DKK3: variants seen among roughly 807,000 people sequenced by gnomAD.
DKK3 encodes dickkopf-related protein 3.
In DKK3, 22 loss-of-function variants were observed where a neutral mutation model predicts 33.2. The observed-to-expected ratio is 0.66, with a 90% CI of 0.47 to 0.95. DKK3 has a LOEUF of 0.95. Among genes scored for constraint, DKK3 ranks in the 40% least tolerant of loss-of-function variants. DKK3 has a pLI of 0.00. For missense variants in DKK3, 398 were observed against 458.4 expected (o/e 0.87, Z 1.20); for synonymous variants, 194 against 188.8 (o/e 1.03, Z -0.23).
intron 3 of DKK3, among the ~76,000 whole-genome samples, chr11:11,973,118 C>T (rs1383431537): frequency 6.6e-6 from 1 of 152,248 alleles, no homozygotes; most frequent in African/African-American, 2.4e-5. Flanking sequence ...CAATCCATCA[C>T]ATGCAGGCAC....
intron 3 of DKK3, among the ~76,000 whole-genome samples, chr11:11,973,129 A>G (rs896650665): frequency 6.6e-6 from 1 of 152,240 alleles, no homozygotes. Context: ...ATGCAGGCAC[A>G]GAGCCCTGGC....
intron 3 of DKK3, among the ~76,000 whole-genome samples, chr11:11,995,005 G>T (rs1848261596): frequency 6.6e-6 from 1 of 152,210 alleles, no homozygotes; most frequent in African/African-American, 2.4e-5. Context: ...GAACAAGGAA[G>T]TCACTGGGTC....
At chr11:11,982,084 G>A (rs939656177) in intron 3 of DKK3, among the ~76,000 whole-genome samples, 2 of 152,066 alleles carry the variant, frequency 1.3e-5, no homozygotes, top group African/African-American at 4.8e-5. Context: ...CCATGGTGAG[G>A]GCCTCTTTTA....
intron 3 of DKK3, among the ~76,000 whole-genome samples, chr11:11,981,638 C>T (rs1369390304): frequency 1.3e-5 from 2 of 152,124 alleles, no homozygotes; most frequent in Non-Finnish European, 2.9e-5. Context: ...TCCCCTGCAG[C>T]AAGGCTAACC....
chr11:11,998,621 A>G, intron 3 of DKK3, 75 bp downstream of exon 3: 1 of 1,324,748 alleles, frequency 7.5e-7, no homozygotes, highest in South Asian at 1.2e-5. Context: ...TCTGCATCTG[A>G]GTCACCGTTG....
chr11:12,003,045 G>T (rs1024915731), intron 1 of DKK3, among the ~76,000 whole-genome samples: 1 of 152,176 alleles, frequency 6.6e-6, no homozygotes, highest in African/African-American at 2.4e-5. Flanking sequence ...TCCCTCTAAG[G>T]CCTCCAGTGG....
chr11:11,984,811 T>G (rs918916787), intron 3 of DKK3, among the ~76,000 whole-genome samples: 1 of 152,180 alleles, frequency 6.6e-6, no homozygotes, highest in Non-Finnish European at 1.5e-5. Context: ...GCTGAGCCTC[T>G]AAGGAGCGTC....
At chr11:11,982,812 AGGCC>A in intron 3 of DKK3, among the ~76,000 whole-genome samples, 1 of 152,324 alleles carries the variant, frequency 6.6e-6, no homozygotes, top group South Asian at 2.1e-4. Flanking sequence ...ACTCCTCTGG[AGGCC>A]CTAATGAAAT....
chr11:11,984,059 A>G (rs757577197), intron 3 of DKK3, among the ~76,000 whole-genome samples: 2 of 152,212 alleles, frequency 1.3e-5, no homozygotes, highest in Non-Finnish European at 2.9e-5. Context: ...TGTCTCTGTG[A>G]CGAGGAGTGA....
At chr11:11,999,160 T>A (rs1355432026) in intron 2 of DKK3, among the ~76,000 whole-genome samples, 2 of 152,160 alleles carry the variant, frequency 1.3e-5, no homozygotes, top group African/African-American at 4.8e-5. Flanking sequence ...CAAGTCCGGG[T>A]GTCTAGTTGA....
At chr11:11,971,907 G>A (rs1471212821) in intron 3 of DKK3, among the ~76,000 whole-genome samples, 1 of 152,126 alleles carries the variant, frequency 6.6e-6, no homozygotes, top group East Asian at 1.9e-4. Context: ...GGTTTCCTTT[G>A]GGGTATCAGC....
intron 3 of DKK3, among the ~76,000 whole-genome samples, chr11:11,979,319 G>A (rs1271788526): frequency 1.3e-5 from 2 of 152,230 alleles, no homozygotes; most frequent in Non-Finnish European, 2.9e-5. Context: ...CAAACTCCAG[G>A]CTGCAAACCC....
intron 3 of DKK3, among the ~76,000 whole-genome samples, chr11:11,972,518 C>T (rs986107877): frequency 6.6e-6 from 1 of 152,194 alleles, no homozygotes; most frequent in Non-Finnish European, 1.5e-5. Flanking sequence ...AGGCCAGGCT[C>T]TCCATCCAGT....
chr11:11,997,858 CA>C (rs2135096100), intron 3 of DKK3, among the ~76,000 whole-genome samples: 1 of 152,336 alleles, frequency 6.6e-6, no homozygotes, highest in African/African-American at 2.4e-5. Flanking sequence ...TTCCAGCCAT[CA>C]GACCAAAAGA....
rs1848593350 is a variant in DKK3, at chr11:12,008,608, C to G, written c.-26G>C. On this transcript the variant is annotated 5_prime_UTR_variant, in exon 1 of 7. Coordinates refer to ENST00000683431, the MANE Select transcript of DKK3 (RefSeq NM_001018057.2). This position sits in a 1 kb window ranked among gnomAD's most constrained non-coding sequence, Gnocchi z 4.6. ...CTCCGCTCTGCGCCCGCAGCCGCCG[C>G]CTGTGTGTCCCGGAACGCGATCAGA... 1 of 1,372,814 alleles carries G rather than the reference C, an allele frequency of 7.3e-7. No individual in the cohort carries two copies. The highest frequency in any genetic ancestry group is 9.3e-7 in the Non-Finnish European group (1 of 1,073,126). The allele number at this position is 1,372,814 out of a possible 1,614,324, so 85.0% of individuals were successfully genotyped here. A position where few individuals can be genotyped will look rare whatever the true frequency, so the allele number is the denominator to read the frequency against.
chr11:11,992,511 C>T (rs562782039), intron 3 of DKK3, among the ~76,000 whole-genome samples: 2 of 152,310 alleles, frequency 1.3e-5, no homozygotes, highest in South Asian at 2.1e-4. Context: ...GCCCATCAGC[C>T]GCCTCACATA....
chr11:11,964,545 C>G lies in DKK3; in HGVS notation c.972G>C (p.Leu324=), dbSNP rs1847535421. 9.9e-6 allele frequency: 16 copies of G among 1,614,162 alleles called. No homozygotes were observed. Among genetic ancestry groups the G allele is most frequent in the Non-Finnish European group, 1.0e-5 (12 of 1,180,008 alleles). The change falls in exon 7 of 7, where the codon CTG becomes CTC. Residue 324 remains leucine, a synonymous_variant. Transcript: ENST00000683431. ...CCATCTCTTCAGTCAGGCTCCTCTCCAGGTCCTCCAGCTCCTGGCGCACCT... is the reference window on the plus strand; with the variant it reads ...CCATCTCTTCAGTCAGGCTCCTCTCGAGGTCCTCCAGCTCCTGGCGCACCT... The part of the protein sequence containing the change: ...MEEVRQELED[L]ERSLTEEMAL...
intron 1 of DKK3, among the ~76,000 whole-genome samples, chr11:12,002,700 C>T (rs1328440145): frequency 6.6e-6 from 1 of 152,096 alleles, no homozygotes; most frequent in East Asian, 1.9e-4. Context: ...CTCAGGAAGA[C>T]TAGATAAATT....
At chr11:11,999,351 A>G (rs1201285028) in intron 2 of DKK3, among the ~76,000 whole-genome samples, 1 of 152,232 alleles carries the variant, frequency 6.6e-6, no homozygotes, top group Non-Finnish European at 1.5e-5. Context: ...TAAGTCTAAC[A>G]TAGAACCCAG....
Sources: allele counts gnomAD v4.1 joint callset (sites outside exome capture counted in the v4.1 genomes callset), GRCh38; gene constraint gnomAD v4.1.1; non-coding constraint Gnocchi (gnomAD v3.1); transcripts MANE v1.5; gene names NCBI Gene and HGNC (gene_info 2026-07-23, HGNC 2026-07-21).